CAPN14: variants seen among roughly 807,000 people sequenced by gnomAD.
CAPN14 encodes the protein calpain-14.
Under a neutral mutation model 101.3 loss-of-function variants are expected in CAPN14, and 94 were observed. The ratio of observed to expected loss-of-function variants is 0.93; its 90% CI spans 0.79 to 1.10. The LOEUF (loss-of-function observed/expected upper bound fraction) is 1.10, where lower values mean the gene tolerates loss of function less well. Among genes scored for constraint, CAPN14 ranks in the 50% least tolerant of loss-of-function variants. The pLI, the probability that CAPN14 is intolerant of heterozygous loss-of-function variation, is 0.00. For missense variants in CAPN14, 837 were observed against 828.4 expected (o/e 1.01, Z -0.13); for synonymous variants, 338 against 317.9 (o/e 1.06, Z -0.67).
chr2:31,192,138 C>A, intron 10 of CAPN14, 40 bp from the exon 11 acceptor site: 7 of 1,497,760 alleles, frequency 4.7e-6, no homozygotes, highest in Non-Finnish European at 6.3e-6. Flanking sequence ...GGCCCCGGAT[C>A]CCCATGCATC....
At chr2:31,175,403 GTGT>G (rs1483510832) in intron 21 of CAPN14, among the ~76,000 whole-genome samples, 1 of 152,226 alleles carries the variant, frequency 6.6e-6, no homozygotes, top group Non-Finnish European at 1.5e-5. Context: ...ATTACAAGAA[GTGT>G]TGTGGCTTCA....
chr2:31,191,429 A>G (rs762794860), intron 11 of CAPN14, 22 bp from the exon 12 acceptor site: 9 of 1,509,076 alleles, frequency 6.0e-6, no homozygotes, highest in African/African-American at 1.5e-5. Context: ...AAACAAAAAC[A>G]GAAAAAAAAA....
intron 8 of CAPN14, among the ~76,000 whole-genome samples, chr2:31,195,652 A>C (rs1470387999): frequency 6.6e-6 from 1 of 152,194 alleles, no homozygotes; most frequent in African/African-American, 2.4e-5. Flanking sequence ...ACTTTATTGA[A>C]TACATGGAAT....
chr2:31,187,061 A>G (rs1449943860), intron 15 of CAPN14, among the ~76,000 whole-genome samples: 3 of 152,216 alleles, frequency 2.0e-5, no homozygotes, highest in Admixed American at 2.0e-4. Flanking sequence ...CAAGGCAGGT[A>G]AATTGTGACT....
intron 1 of CAPN14, among the ~76,000 whole-genome samples, chr2:31,212,453 A>C (rs1335995031): frequency 1.3e-5 from 2 of 152,180 alleles, no homozygotes; most frequent in East Asian, 3.8e-4. Flanking sequence ...TCCTACTGGC[A>C]TCATCATGAT....
At chr2:31,222,481 A>G (rs957574979), upstream of CAPN14, among the ~76,000 whole-genome samples, 1 of 152,174 alleles carries the variant, frequency 6.6e-6, no homozygotes, top group Non-Finnish European at 1.5e-5. Context: ...CAAGATAGCA[A>G]CTCACCTCTA....
At chr2:31,203,967 A>C (rs917842080) in intron 2 of CAPN14, among the ~76,000 whole-genome samples, 2 of 152,206 alleles carry the variant, frequency 1.3e-5, no homozygotes, top group African/African-American at 4.8e-5. Flanking sequence ...TATAGAGTGA[A>C]GAATACTTTT....
intron 17 of CAPN14, among the ~76,000 whole-genome samples, chr2:31,178,848 T>C (rs1024449888): frequency 1.3e-5 from 2 of 152,078 alleles, no homozygotes; most frequent in African/African-American, 4.8e-5. Flanking sequence ...TGACCACAGC[T>C]AGCATTAAGG....
Position 31,216,485 on chromosome 2 carries a change from G to A in CAPN14, c.-53+971C>T, listed in dbSNP as rs144361632. Among the ~76,000 whole-genome samples the A allele has an allele frequency of 1.8e-4, 27 of 152,192 alleles. No homozygotes were observed. In the East Asian group the frequency reaches 4.8e-3, roughly 27 times the overall value. ...TGGATTAGACAGAATTTCTGCCCTC[G>A]AGGAAGTCACAGTCCAACGACCAGG... On this transcript the variant is annotated intron_variant, in intron 1 of 21. Coordinates refer to ENST00000403897, the MANE Select transcript of CAPN14 (RefSeq NM_001145122.2).
chr2:31,224,747 A>G (rs1682970197), intron 2 of CAPN14, among the ~76,000 whole-genome samples: 1 of 151,934 alleles, frequency 6.6e-6, no homozygotes, highest in African/African-American at 2.4e-5. Flanking sequence ...ACCAGTTAGA[A>G]GGTACCATAA....
Position 31,185,632 on chromosome 2 carries a change from T to C in CAPN14, c.1645+796A>G, listed in dbSNP as rs1680866589. 2.0e-5 allele frequency among the ~76,000 whole-genome samples: 3 copies of C among 152,226 alleles called. No individual in the cohort carries two copies. The South Asian group carries it at 6.2e-4, about 32-fold the overall frequency. On this transcript the variant is annotated intron_variant, in intron 16 of 21. Transcript: ENST00000403897. Reference sequence around the variant, plus strand: ...CTTACGTTCTACAATTCCTAGAGTCTTCCCTTCTGGCTGTTTTACTGATAA... The same window carrying C: ...CTTACGTTCTACAATTCCTAGAGTCCTCCCTTCTGGCTGTTTTACTGATAA...
intron 5 of CAPN14, among the ~76,000 whole-genome samples, chr2:31,201,010 G>A (rs1054187973): frequency 6.6e-6 from 1 of 152,094 alleles, no homozygotes; most frequent in African/African-American, 2.4e-5. Flanking sequence ...CAACACCCTG[G>A]ACTCAAGAAA....
intron 6 of CAPN14, 49 bp downstream of exon 6, chr2:31,200,394 ATGGAGGGC>A: frequency 6.9e-7 from 1 of 1,454,466 alleles, no homozygotes; most frequent in Non-Finnish European, 9.3e-7. Flanking sequence ...GTGGTGGTGG[ATGGAGGGC>A]ATGGGTGCAG....
chr2:31,177,895 T>C (rs1680390651), intron 18 of CAPN14, 74 bp from the exon 19 acceptor site: 2 of 1,051,160 alleles, frequency 1.9e-6, no homozygotes, highest in South Asian at 1.4e-5. Flanking sequence ...GTGTGCCCCT[T>C]GTCAGCACCG....
intron 12 of CAPN14, 156 bp from the exon 13 acceptor site, chr2:31,189,634 G>A (rs997764830): frequency 3.4e-5 from 24 of 709,290 alleles, no homozygotes; most frequent in Non-Finnish European, 5.9e-5. Flanking sequence ...GGGAGGAAAG[G>A]AAAAACCAGA....
intron 6 of CAPN14, 76 bp from the exon 7 acceptor site, chr2:31,199,608 G>C (rs1681648574): frequency 8.2e-7 from 1 of 1,217,484 alleles, no homozygotes; most frequent in Admixed American, 2.3e-5. Context: ...AAGGCTGTTT[G>C]GCTGGAGCAG....
At chr2:31,204,999 G>A (rs1023953775) in intron 2 of CAPN14, among the ~76,000 whole-genome samples, 6 of 152,122 alleles carry the variant, frequency 3.9e-5, no homozygotes, top group African/African-American at 1.4e-4. Flanking sequence ...AGACAGTGTC[G>A]GAATTAAATT....
At chr2:31,193,435 C>G in intron 9 of CAPN14, 141 bp from the exon 10 acceptor site, 2 of 829,354 alleles carry the variant, frequency 2.4e-6, no homozygotes, top group Non-Finnish European at 3.7e-6. Context: ...CAGAGCTGAG[C>G]TGACGATAGG....
chr2:31,188,386 G>A (rs1431507045), intron 13 of CAPN14, 32 bp from the exon 14 acceptor site: 2 of 1,550,162 alleles, frequency 1.3e-6, no homozygotes, highest in South Asian at 2.4e-5. Context: ...CAAACTCAGA[G>A]TTTCCTCTTG....
Sources: allele counts gnomAD v4.1 joint callset (sites outside exome capture counted in the v4.1 genomes callset), GRCh38; gene constraint gnomAD v4.1.1; transcripts MANE v1.5; gene names NCBI Gene and HGNC (gene_info 2026-07-23, HGNC 2026-07-21).